The following ARHGAP39 variants were observed in gnomAD, a reference collection of about 807,000 sequenced individuals.
The protein encoded by ARHGAP39 is rho GTPase-activating protein 39.
ARHGAP39 carries 44 observed loss-of-function variants against 106.9 expected under a neutral mutation model. That is an observed-to-expected ratio of 0.41 (90% CI 0.32 to 0.53). The LOEUF is 0.53. Ranked by LOEUF, ARHGAP39 falls within the 20% of genes least tolerant of loss-of-function variation. ARHGAP39 has a pLI of 0.21. For missense variants in ARHGAP39, 1,496 were observed against 1,577.3 expected (o/e 0.95, Z 0.87); for synonymous variants, 768 against 693.2 (o/e 1.11, Z -1.69).
chr8:144,684,652 G>A lies in ARHGAP39; in HGVS notation c.-82+1034C>T, dbSNP rs1311494286. ...CACGTTTTAAAATAAAAAACGTCCTGGGCCCCAAAATGCACAGCCCGCCTC... is the reference window on the plus strand; with the variant it reads ...CACGTTTTAAAATAAAAAACGTCCTAGGCCCCAAAATGCACAGCCCGCCTC... On this transcript the variant is annotated intron_variant, in intron 1 of 11. Transcript: ENST00000377307. The surrounding 1 kb of genome is among the most constrained non-coding windows in gnomAD (Gnocchi z 4.4). Among the ~76,000 whole-genome samples the A allele has an allele frequency of 6.6e-6, 1 of 152,196 alleles. No homozygotes were observed. The highest frequency in any genetic ancestry group is 2.1e-4 in the South Asian group (1 of 4,824).
chr8:144,649,599 G>A (rs551351281), intron 1 of ARHGAP39, among the ~76,000 whole-genome samples: 3 of 151,772 alleles, frequency 2.0e-5, no homozygotes, highest in Admixed American at 6.6e-5. Context: ...GTAAAACCCC[G>A]TCTCCACTAA....
chr8:144,630,077 C>A (rs1821024071), intron 1 of ARHGAP39, among the ~76,000 whole-genome samples: 1 of 152,156 alleles, frequency 6.6e-6, no homozygotes, highest in Admixed American at 6.5e-5. Flanking sequence ...AGCCCAGATG[C>A]CAACACCAGG....
Position 144,591,860 on chromosome 8 carries a change from C to T in ARHGAP39, c.81-10583G>A, listed in dbSNP as rs535341662. ...CAGGGCGGCTTCCCCTGGATGGCGG[C>T]GTCGCCTCGTCGCCTCGTGCCTGCG... On this transcript the variant is annotated intron_variant, in intron 2 of 11. Transcript: ENST00000377307. This position sits in a 1 kb window ranked among gnomAD's most constrained non-coding sequence, Gnocchi z 5.3. 7.9e-5 allele frequency among the ~76,000 whole-genome samples: 12 copies of T among 152,128 alleles called. No individual in the cohort carries two copies. The highest frequency in any genetic ancestry group is 2.2e-4 in the African/African-American group (9 of 41,530).
At chr8:144,576,954 C>T (rs1015697011) in intron 3 of ARHGAP39, among the ~76,000 whole-genome samples, 1 of 152,228 alleles carries the variant, frequency 6.6e-6, no homozygotes, top group Non-Finnish European at 1.5e-5. Flanking sequence ...AGCAAACCAA[C>T]AGGTTTGTTT....
chr8:144,570,690 GA>G (rs1388765848), intron 3 of ARHGAP39, among the ~76,000 whole-genome samples: 1 of 151,946 alleles, frequency 6.6e-6, no homozygotes, highest in African/African-American at 2.4e-5. Flanking sequence ...ACAGCAGGTA[GA>G]AAAAAATAGG....
chr8:144,665,067 T>G (rs965295466), intron 1 of ARHGAP39, among the ~76,000 whole-genome samples: 4 of 152,218 alleles, frequency 2.6e-5, no homozygotes, highest in Non-Finnish European at 5.9e-5. Context: ...AGGTCCAGGC[T>G]GAGGTGGTCT....
rs1822505684 is a variant in ARHGAP39, at chr8:144,684,063, C to G, written c.-82+1623G>C. Among the ~76,000 whole-genome samples the G allele has an allele frequency of 1.3e-5, 2 of 152,232 alleles. No individual in the cohort carries two copies. The highest frequency in any genetic ancestry group is 4.8e-5 in the African/African-American group (2 of 41,458). Reference sequence around the variant, plus strand: ...AGAGACCTTGCCGAAGACCACAAAGCCAGTAAACAGAAGAGTCGCGACTCA... The same window carrying G: ...AGAGACCTTGCCGAAGACCACAAAGGCAGTAAACAGAAGAGTCGCGACTCA... On this transcript the variant is annotated intron_variant, in intron 1 of 11. Coordinates refer to ENST00000377307, the MANE Select transcript of ARHGAP39 (RefSeq NM_025251.3). The surrounding 1 kb of genome is among the most constrained non-coding windows in gnomAD (Gnocchi z 4.4).
intron 2 of ARHGAP39, among the ~76,000 whole-genome samples, chr8:144,583,550 C>G (rs1563687285): frequency 6.6e-6 from 1 of 152,172 alleles, no homozygotes; most frequent in Non-Finnish European, 1.5e-5. Flanking sequence ...CCGTAAGGCC[C>G]CTGACATCCT....
intron 3 of ARHGAP39, among the ~76,000 whole-genome samples, chr8:144,558,857 G>A (rs1422281133): frequency 6.6e-6 from 1 of 151,838 alleles, no homozygotes; most frequent in African/African-American, 2.4e-5. Context: ...TGGATCACTT[G>A]AGGTCAGGAG....
At chr8:144,558,846 G>C (rs562402916) in intron 3 of ARHGAP39, among the ~76,000 whole-genome samples, 2 of 152,012 alleles carry the variant, frequency 1.3e-5, no homozygotes, top group African/African-American at 4.8e-5. Context: ...GCTGAGGTGG[G>C]TGGATCACTT....
At chr8:144,534,997 G>T (rs1361871801) in intron 7 of ARHGAP39, among the ~76,000 whole-genome samples, 1 of 152,214 alleles carries the variant, frequency 6.6e-6, no homozygotes, top group Non-Finnish European at 1.5e-5. Flanking sequence ...CAGCAGATGA[G>T]AGAACACGCC....
rs1821422699 is a variant in ARHGAP39 at position 144,645,633 on chromosome 8, T to A, written c.-81-39938A>T. ...CATGAATGTCATCATCCCAGACGTGTTAGGAATGAAAGACATGACATGTAA... is the reference window on the plus strand; with the variant it reads ...CATGAATGTCATCATCCCAGACGTGATAGGAATGAAAGACATGACATGTAA... On this transcript the variant is annotated intron_variant, in intron 1 of 11. Coordinates refer to ENST00000377307, the MANE Select transcript of ARHGAP39 (RefSeq NM_025251.3). This position sits in a 1 kb window ranked among gnomAD's most constrained non-coding sequence, Gnocchi z 4.4. 6.6e-6 allele frequency among the ~76,000 whole-genome samples: 1 copy of A among 152,176 alleles called. No homozygotes were observed. Among genetic ancestry groups the A allele is most frequent in the Admixed American group, 6.5e-5 (1 of 15,290 alleles).
chr8:144,560,459 AC>A (rs1480541240), intron 3 of ARHGAP39, among the ~76,000 whole-genome samples: 2 of 152,270 alleles, frequency 1.3e-5, no homozygotes, highest in South Asian at 2.1e-4. Context: ...AAATAAAAAA[AC>A]AAATGGCAAA....
At chr8:144,537,911 C>T (rs1048876921) in intron 6 of ARHGAP39, 98 bp from the exon 7 acceptor site, 3 of 1,026,288 alleles carry the variant, frequency 2.9e-6, no homozygotes, top group Non-Finnish European at 4.5e-6. Context: ...GCCCCTGGGC[C>T]TGTTGGGGGC....
At chr8:144,578,010 G>T (rs908767799) in intron 3 of ARHGAP39, among the ~76,000 whole-genome samples, 1 of 151,932 alleles carries the variant, frequency 6.6e-6, no homozygotes, top group African/African-American at 2.4e-5. Flanking sequence ...GTTGTTAAAA[G>T]AAATGAAAAA....
At chr8:144,540,449 C>T (rs1817143598) in intron 6 of ARHGAP39, among the ~76,000 whole-genome samples, 2 of 152,192 alleles carry the variant, frequency 1.3e-5, no homozygotes, top group Admixed American at 1.3e-4. Context: ...TAAATAAATA[C>T]ATGCAACTGC....
At chr8:144,562,347 CT>C (rs1818216582) in intron 3 of ARHGAP39, among the ~76,000 whole-genome samples, 2 of 151,822 alleles carry the variant, frequency 1.3e-5, no homozygotes, top group Non-Finnish European at 2.9e-5. Context: ...TTCCATCACG[CT>C]CCAGTGGTTT....
intron 3 of ARHGAP39, among the ~76,000 whole-genome samples, chr8:144,555,867 T>C (rs1386858447): frequency 1.3e-5 from 2 of 152,192 alleles, no homozygotes; most frequent in East Asian, 3.9e-4. Flanking sequence ...CTGGGACACC[T>C]GGATTTCAGA....
chr8:144,699,927 T>C, the ARHGAP39 span, among the ~76,000 whole-genome samples: 1 of 152,126 alleles, frequency 6.6e-6, no homozygotes, highest in African/African-American at 2.4e-5. Context: ...GAACTCTTTC[T>C]CCGTGAATCG....
Sources: allele counts gnomAD v4.1 joint callset (sites outside exome capture counted in the v4.1 genomes callset), GRCh38; gene constraint gnomAD v4.1.1; non-coding constraint Gnocchi (gnomAD v3.1); transcripts MANE v1.5; gene names NCBI Gene and HGNC (gene_info 2026-07-23, HGNC 2026-07-21).